The following KCNMA1 variants were observed in gnomAD, a reference collection of about 807,000 sequenced individuals.
The protein encoded by KCNMA1 is Calcium-activated potassium channel subunit alpha-1.
Under a neutral mutation model 140.0 loss-of-function variants are expected in KCNMA1, and 29 were observed. The ratio of observed to expected loss-of-function variants is 0.21; its 90% CI spans 0.15 to 0.28. The LOEUF is 0.28. Among genes scored for constraint, KCNMA1 ranks in the 10% least tolerant of loss-of-function variants. The pLI is 1.00. For missense variants in KCNMA1, 880 were observed against 1,602.2 expected (o/e 0.55, Z 7.70); for synonymous variants, 612 against 611.9 (o/e 1.00, Z 0.00).
At chr10:77,452,746 C>T (rs1162191649) in intron 1 of KCNMA1, among the ~76,000 whole-genome samples, 1 of 152,156 alleles carries the variant, frequency 6.6e-6, no homozygotes, top group African/African-American at 2.4e-5. Context: ...ACTTAGCCTC[C>T]ATCTGCTTCT....
intron 15 of KCNMA1, 24 bp from the exon 16 acceptor site, chr10:77,027,915 C>G (rs755594620): frequency 1.9e-6 from 3 of 1,602,314 alleles, no homozygotes; most frequent in Non-Finnish European, 2.6e-6. Context: ...GAGAAGCCTC[C>G]CAATCAGTTC....
At chr10:77,346,023 G>C (rs555635044) in intron 2 of KCNMA1, among the ~76,000 whole-genome samples, 24 of 152,206 alleles carry the variant, frequency 1.6e-4, no homozygotes, top group Non-Finnish European at 3.2e-4. Context: ...TCCTGAAAGA[G>C]ATGCTTCCCA....
intron 25 of KCNMA1, among the ~76,000 whole-genome samples, chr10:76,899,199 A>G (rs2043956234): frequency 6.6e-6 from 1 of 152,142 alleles, no homozygotes; most frequent in African/African-American, 2.4e-5. Flanking sequence ...AGGCCATTTA[A>G]TGTCATTTTT....
chr10:77,013,552 A>G (rs1305296735), intron 17 of KCNMA1, among the ~76,000 whole-genome samples: 1 of 152,224 alleles, frequency 6.6e-6, no homozygotes, highest in Non-Finnish European at 1.5e-5. Context: ...CAAGTTGGGG[A>G]AAGTAACTCT....
chr10:77,172,433 A>G (rs1461109494), intron 5 of KCNMA1, among the ~76,000 whole-genome samples: 1 of 152,202 alleles, frequency 6.6e-6, no homozygotes. Flanking sequence ...CTGACAAAGC[A>G]ATATCAAGGG....
chr10:77,569,985 A>G (rs1359477536), intron 1 of KCNMA1, among the ~76,000 whole-genome samples: 1 of 152,134 alleles, frequency 6.6e-6, no homozygotes, highest in Non-Finnish European at 1.5e-5. Flanking sequence ...CACACGAAAA[A>G]ATGCTCACCA....
chr10:77,176,500 G>C (rs908564618), intron 5 of KCNMA1, among the ~76,000 whole-genome samples: 1 of 152,134 alleles, frequency 6.6e-6, no homozygotes, highest in Non-Finnish European at 1.5e-5. Context: ...GGGTGTGGGA[G>C]GGTGTTGAGC....
intron 2 of KCNMA1, among the ~76,000 whole-genome samples, chr10:77,344,506 T>C (rs2091734385): frequency 6.6e-6 from 1 of 152,192 alleles, no homozygotes; most frequent in African/African-American, 2.4e-5. Context: ...GGTCCCAGAA[T>C]CAATCTTTAT....
chr10:77,232,426 T>C (rs1329001666), intron 3 of KCNMA1, among the ~76,000 whole-genome samples: 1 of 152,258 alleles, frequency 6.6e-6, no homozygotes, highest in Non-Finnish European at 1.5e-5. Flanking sequence ...ACACTTGTTA[T>C]GATCTGTCTT....
chr10:77,432,113 C>A (rs140502177), intron 1 of KCNMA1, among the ~76,000 whole-genome samples: 1 of 152,232 alleles, frequency 6.6e-6, no homozygotes, highest in Admixed American at 6.5e-5. Context: ...GCCACAGCTG[C>A]ACTCTACCTC....
chr10:77,166,816 A>G (rs1169186976), intron 5 of KCNMA1, among the ~76,000 whole-genome samples: 2 of 152,238 alleles, frequency 1.3e-5, no homozygotes, highest in Non-Finnish European at 2.9e-5. Flanking sequence ...AGGTTGATCA[A>G]TAGCCTCTTT....
chr10:77,430,190 C>T lies in KCNMA1; in HGVS notation c.379-26167G>A, dbSNP rs190998869. On this transcript the variant is annotated intron_variant, in intron 1 of 27. Coordinates refer to ENST00000286628, the MANE Select transcript of KCNMA1 (RefSeq NM_001161352.2). The stretch of plus-strand genomic sequence containing the variant: ...ACCTATCTCCCCAGGTAGCCTCTCT[C>T]ACCCTGACAATGTATCTTCACAGGT... Among the ~76,000 whole-genome samples the T allele has an allele frequency of 1.6e-4, 24 of 152,346 alleles. No individual in the cohort carries two copies. The East Asian group carries it at 3.7e-3, about 23-fold the overall frequency.
intron 1 of KCNMA1, among the ~76,000 whole-genome samples, chr10:77,608,308 G>A (rs1409929331): frequency 2.0e-5 from 3 of 152,152 alleles, no homozygotes; most frequent in Admixed American, 1.3e-4. Flanking sequence ...GAGTAGCTGG[G>A]ACTACGGGGA....
intron 1 of KCNMA1, among the ~76,000 whole-genome samples, chr10:77,514,898 GT>G (rs201683797): frequency 1.3e-3 from 190 of 150,584 alleles, no homozygotes; most frequent in African/African-American, 4.5e-3. Flanking sequence ...TGCCTGTTTT[GT>G]TTTTTTTTGT....
intron 1 of KCNMA1, among the ~76,000 whole-genome samples, chr10:77,411,390 A>G (rs2096615033): frequency 6.6e-6 from 1 of 152,202 alleles, no homozygotes; most frequent in Non-Finnish European, 1.5e-5. Flanking sequence ...TTACTAGTAA[A>G]TAGTACTACT....
At chr10:77,395,212 T>C (rs540832618) in intron 2 of KCNMA1, among the ~76,000 whole-genome samples, 1 of 152,094 alleles carries the variant, frequency 6.6e-6, no homozygotes, top group African/African-American at 2.4e-5. Flanking sequence ...TAGCATGTCA[T>C]GGTGGCCTGC....
At chr10:77,583,572 T>G (rs1442456164) in intron 1 of KCNMA1, among the ~76,000 whole-genome samples, 1 of 152,238 alleles carries the variant, frequency 6.6e-6, no homozygotes, top group Non-Finnish European at 1.5e-5. Flanking sequence ...GTCAGCTTCA[T>G]GACCAAGAGC....
intron 1 of KCNMA1, among the ~76,000 whole-genome samples, chr10:77,473,004 C>A (rs1440292182): frequency 6.6e-6 from 1 of 152,202 alleles, no homozygotes; most frequent in Admixed American, 6.5e-5. Context: ...GCGGGGCCAC[C>A]CACCAGGGTG....
chr10:77,144,819 G>A lies in KCNMA1; in HGVS notation c.809-23771C>T, dbSNP rs767544635. On this transcript the variant is annotated intron_variant, in intron 5 of 27. Coordinates refer to ENST00000286628, the MANE Select transcript of KCNMA1 (RefSeq NM_001161352.2). Reference sequence around the variant, plus strand: ...TGGCTGGTTTAATTGGAGAAGTGAAGGATTTGTATTCAGGCTCTGCCACCA... The same window carrying A: ...TGGCTGGTTTAATTGGAGAAGTGAAAGATTTGTATTCAGGCTCTGCCACCA... Among the ~76,000 whole-genome samples the A allele has an allele frequency of 2.6e-5, 4 of 152,146 alleles. 1 individual carries two copies. The South Asian group carries it at 8.3e-4, about 32-fold the overall frequency.
Sources: allele counts gnomAD v4.1 joint callset (sites outside exome capture counted in the v4.1 genomes callset), GRCh38; gene constraint gnomAD v4.1.1; transcripts MANE v1.5; gene names NCBI Gene and HGNC (gene_info 2026-07-23, HGNC 2026-07-21).